NBPF12: variants seen among roughly 807,000 people sequenced by gnomAD.
NBPF12 encodes NBPF family member NBPF12.
In NBPF12, 115 loss-of-function variants were observed where a neutral mutation model predicts 146.4. That is an observed-to-expected ratio of 0.79 (90% CI 0.68 to 0.92). The LOEUF (loss-of-function observed/expected upper bound fraction) is 0.92, where lower values mean the gene tolerates loss of function less well. NBPF12 is among the 40% of genes least tolerant of loss of function. The pLI, the probability that NBPF12 is intolerant of heterozygous loss-of-function variation, is 0.00. For synonymous variants in NBPF12, 385 were observed against 508.9 expected (o/e 0.76, Z 3.28); for missense variants, 1,205 against 1,326.8 (o/e 0.91, Z 1.43).
chr1:146,970,781 T>A (rs1245773211), intron 12 of NBPF12, 62 bp downstream of exon 15: 6 of 1,241,712 alleles, frequency 4.8e-6, no homozygotes, highest in Non-Finnish European at 7.1e-6. Flanking sequence ...CTAGGAGGCA[T>A]GCCCTCTCTG....
intron 10 of NBPF12, among the ~76,000 whole-genome samples, chr1:146,968,997 C>G (rs1309952714): frequency 1.3e-5 from 2 of 151,582 alleles, no homozygotes; most frequent in Non-Finnish European, 2.9e-5. Context: ...CCATCTGCAT[C>G]TGGCCTCATT....
exon 8 of NBPF12, chr1:146,964,988 T>A (rs1553885410): frequency 0.2 from 316,491 of 1,576,676 alleles, 36,972 homozygotes; most frequent in South Asian, 0.23. Flanking sequence ...TGTGACTCCA[T>A]CCAGCCTCAC....
rs1168426164 is a variant in NBPF12 at position 146,966,921 on chromosome 1, C to T, written c.988+248C>T. Among the ~76,000 whole-genome samples the T allele has an allele frequency of 4.9e-3, 733 of 148,570 alleles. 30 individuals are homozygous for T. Among genetic ancestry groups the T allele is most frequent in the African/African-American group, 0.017 (662 of 38,592 alleles). ...ACTGCCATTTATTGATTTCTGACAC[C>T]GGCACAGAATGACCTGTTTTCTCCA... On this transcript the variant is annotated intron_variant, in intron 9 of 33. Coordinates refer to ENST00000617844, the Ensembl canonical transcript of NBPF12.
At chr1:146,964,200 GA>G (rs1379482614) in intron 6 of NBPF12, among the ~76,000 whole-genome samples, 156 bp from the exon 10 acceptor site, 2 of 150,356 alleles carry the variant, frequency 1.3e-5, no homozygotes, top group Non-Finnish European at 2.9e-5. Flanking sequence ...GATGGACCAG[GA>G]AACCATGCCA....
At chr1:146,976,587 T>C (rs1346155838) in intron 16 of NBPF12, among the ~76,000 whole-genome samples, 21,705 of 147,626 alleles carry the variant, frequency 0.15, 1,966 homozygotes, top group Admixed American at 0.27. Context: ...AAATGCAAAC[T>C]GTGACAGGAC....
chr1:146,976,933 T>G, exon 17 of NBPF12: 1 of 698,366 alleles, frequency 1.4e-6, no homozygotes, highest in Admixed American at 2.0e-5. Flanking sequence ...TTACAGAAAA[T>G]GATAACGATG....
upstream of NBPF12, among the ~76,000 whole-genome samples, chr1:146,945,899 A>G (rs1287188806): frequency 6.6e-6 from 1 of 151,888 alleles, no homozygotes; most frequent in South Asian, 2.1e-4. Flanking sequence ...ATACAGCATC[A>G]TGCAAAATAG....
At position 146,960,522 on chromosome 1, in the gene NBPF12, G is replaced by A. The variant is rs1288376624; in HGVS notation, c.175+204G>A. 6.9e-3 allele frequency among the ~76,000 whole-genome samples: 1,055 copies of A among 152,028 alleles called. 18 individuals are homozygous for A. The highest frequency in any genetic ancestry group is 5.8e-3 in the Admixed American group (88 of 15,286). On this transcript the variant is annotated intron_variant, in intron 4 of 33. Coordinates refer to ENST00000617844, the Ensembl canonical transcript of NBPF12. The stretch of plus-strand genomic sequence containing the variant: ...AACTTTCCATGTTTGCAGTCAGATG[G>A]GGGTGGGACTAGAGTTAAACTCACA...
chr1:146,961,128 A>C (rs1444234130), intron 4 of NBPF12, among the ~76,000 whole-genome samples: 2 of 152,098 alleles, frequency 1.3e-5, no homozygotes, highest in African/African-American at 4.8e-5. Context: ...CATGGGTGAC[A>C]GGGCAAGACT....
At chr1:146,965,790 T>TAAAAAAAAAA (rs1656154693) in intron 8 of NBPF12, among the ~76,000 whole-genome samples, 1 of 8,238 alleles carries the variant, frequency 1.2e-4, no homozygotes, top group African/African-American at 4.9e-4. Context: ...AGACTGCATC[T>TAAAAAAAAAA]CAAAAAAAAA....
At chr1:146,940,965 A>G (rs1436148670) in intron 1 of NBPF12, among the ~76,000 whole-genome samples, 55 of 151,990 alleles carry the variant, frequency 3.6e-4, no homozygotes, top group African/African-American at 1.2e-3. Context: ...GTTGATTTGT[A>G]ATACTTTATT....
rs1401690171 is a variant in NBPF12 at position 146,967,643 on chromosome 1, A to G, written c.989-805A>G. On this transcript the variant is annotated intron_variant, in intron 9 of 33. Transcript: ENST00000617844. ...CGAGAATGTGTGGAGGTAGCAGTGC[A>G]GTGTACAGAGCAGGGACCGTGGGCC... Among the ~76,000 whole-genome samples, 37 of 150,670 alleles carry G rather than the reference A, an allele frequency of 2.5e-4. No individual in the cohort carries two copies. In the East Asian group the frequency reaches 7.2e-3, roughly 29 times the overall value.
At chr1:146,944,595 G>A (rs1654937913), upstream of NBPF12, among the ~76,000 whole-genome samples, 1 of 151,428 alleles carries the variant, frequency 6.6e-6, no homozygotes, top group African/African-American at 2.4e-5. Flanking sequence ...ACAAGACTCA[G>A]TGTCTCTGGC....
At chr1:146,969,489 CCCT>C (rs2101870103) in exon 11 of NBPF12, 1 of 1,248,308 alleles carries the variant, frequency 8.0e-7, no homozygotes, top group East Asian at 2.3e-5. Flanking sequence ...CATCTCCAGG[CCCT>C]CCTCACTCCG....
chr1:146,941,347 A>T (rs1180769858), intron 1 of NBPF12, among the ~76,000 whole-genome samples: 1 of 151,876 alleles, frequency 6.6e-6, no homozygotes. Flanking sequence ...GGCCTCCCAA[A>T]GTGTTGGGAT....
At chr1:146,982,659 A>G (rs1283825346) in intron 19 of NBPF12, among the ~76,000 whole-genome samples, 1 of 150,268 alleles carries the variant, frequency 6.7e-6, no homozygotes, top group Non-Finnish European at 1.5e-5. Flanking sequence ...GCAAGTCATG[A>G]TGGTAGTTTA....
intron 1 of NBPF12, among the ~76,000 whole-genome samples, chr1:146,940,132 C>T (rs1269733207): frequency 1.3e-5 from 2 of 152,016 alleles, no homozygotes; most frequent in African/African-American, 2.4e-5. Flanking sequence ...TTGTTCTGAG[C>T]TGTTATGCAT....
intron 4 of NBPF12, among the ~76,000 whole-genome samples, chr1:146,961,611 T>C (rs1389598771): frequency 6.8e-6 from 1 of 148,094 alleles, no homozygotes; most frequent in Non-Finnish European, 1.5e-5. Flanking sequence ...TGGGCATATT[T>C]CCTTCATGGC....
chr1:146,994,092 C>CTCTCTGTCTCTG (rs1325920767), intron 33 of NBPF12, among the ~76,000 whole-genome samples: 8 of 93,860 alleles, frequency 8.5e-5, no homozygotes, highest in East Asian at 3.4e-4. Context: ...AGCTCACTTT[C>CTCTCTGTCTCTG]TCTCTGTCTC....
Sources: gnomAD v4.1 joint callset for allele counts (sites outside exome capture counted in the v4.1 genomes callset) on GRCh38, gnomAD v4.1.1 for gene constraint, MANE v1.5 for transcripts, NCBI Gene and HGNC (gene_info 2026-07-23, HGNC 2026-07-21) for gene names.